GRIP1: variants seen among roughly 807,000 people sequenced by gnomAD.
GRIP1 encodes the protein glutamate receptor-interacting protein 1.
GRIP1 carries 45 observed loss-of-function variants against 129.9 expected under a neutral mutation model. The observed-to-expected ratio is 0.35, with a 90% confidence interval of 0.27 to 0.44. The LOEUF (loss-of-function observed/expected upper bound fraction) is 0.44. Among genes scored for constraint, GRIP1 ranks in the 20% least tolerant of loss-of-function variants. GRIP1 has a pLI of 1.00. For missense variants in GRIP1, 1,196 were observed against 1,396.8 expected (o/e 0.86, Z 2.29); for synonymous variants, 530 against 520.8 (o/e 1.02, Z -0.24).
intron 2 of GRIP1, among the ~76,000 whole-genome samples, chr12:66,567,041 G>T (rs566277753): frequency 9.9e-5 from 15 of 152,192 alleles, no homozygotes; most frequent in African/African-American, 2.6e-4. Flanking sequence ...CTTGCTAGCT[G>T]TCTATCAATT....
chr12:66,378,967 A>C (rs1249262088), intron 20 of GRIP1, among the ~76,000 whole-genome samples: 2 of 151,912 alleles, frequency 1.3e-5, no homozygotes, highest in Non-Finnish European at 2.9e-5. Context: ...AAAATAAATA[A>C]ATAAAATAAA....
chr12:66,367,117 A>G (rs2055197905), intron 23 of GRIP1, among the ~76,000 whole-genome samples: 1 of 152,232 alleles, frequency 6.6e-6, no homozygotes, highest in Non-Finnish European at 1.5e-5. Flanking sequence ...GTGGACACCA[A>G]AGGATATTTA....
chr12:66,712,604 C>T (rs2035746696), intron 1 of GRIP1, among the ~76,000 whole-genome samples: 1 of 151,906 alleles, frequency 6.6e-6, no homozygotes, highest in South Asian at 2.1e-4. Context: ...GGAGAATATG[C>T]AGATGAAATG....
chr12:66,898,291 G>T lies in GRIP1; in HGVS notation c.58+170759C>A, dbSNP rs150136142. On this transcript the variant is annotated intron_variant, in intron 1 of 1. Coordinates refer to the GRIP1 transcript ENST00000643019. The stretch of plus-strand genomic sequence containing the variant: ...TTATGGCATTTTTTTCTTTAATGAT[G>T]CTCACTCCTAAGAAATGTTTCCTAA... 3.6e-3 allele frequency among the ~76,000 whole-genome samples: 551 copies of T among 152,064 alleles called. 2 individuals are homozygous for T. Among genetic ancestry groups the T allele is most frequent in the Non-Finnish European group, 6.5e-3 (445 of 67,974 alleles).
At chr12:66,884,106 A>G (rs12298936) in intron 1 of GRIP1, among the ~76,000 whole-genome samples, 2,472 of 152,328 alleles carry the variant, frequency 0.016, 82 homozygotes, top group African/African-American at 0.056. Flanking sequence ...GCCATATGTG[A>G]GTGCCTTTTG....
At chr12:66,974,531 T>C (rs1417081558) in intron 1 of GRIP1, among the ~76,000 whole-genome samples, 1 of 152,188 alleles carries the variant, frequency 6.6e-6, no homozygotes, top group Non-Finnish European at 1.5e-5. Context: ...AGTGAAAAGA[T>C]GAAGTAAAAA....
intron 1 of GRIP1, among the ~76,000 whole-genome samples, chr12:66,711,894 G>C (rs1287702472): frequency 6.6e-6 from 1 of 151,808 alleles, no homozygotes; most frequent in East Asian, 1.9e-4. Context: ...ATCAAATCTA[G>C]ATCATTTAGT....
chr12:66,739,643 C>T (rs2046064), intron 1 of GRIP1, among the ~76,000 whole-genome samples: 92,725 of 151,622 alleles, frequency 0.61, 28,790 homozygotes, highest in East Asian at 0.77. Flanking sequence ...CTGGGCATAA[C>T]ACCTAGGTGA....
intron 1 of GRIP1, among the ~76,000 whole-genome samples, chr12:66,896,423 A>G (rs978683203): frequency 6.7e-6 from 1 of 150,288 alleles, no homozygotes; most frequent in Non-Finnish European, 1.5e-5. Flanking sequence ...CAACACTTCA[A>G]TGGGAACTGA....
At chr12:66,620,928 A>G (rs1249338425) in intron 1 of GRIP1, among the ~76,000 whole-genome samples, 3 of 152,128 alleles carry the variant, frequency 2.0e-5, no homozygotes, top group Non-Finnish European at 4.4e-5. Flanking sequence ...TTCCTGCCCA[A>G]ACTTCCCTAA....
intron 1 of GRIP1, among the ~76,000 whole-genome samples, chr12:66,712,557 T>G (rs1219000422): frequency 6.6e-6 from 1 of 151,966 alleles, no homozygotes; most frequent in African/African-American, 2.4e-5. Context: ...TCATAATTTT[T>G]GGCATAAACA....
intron 7 of GRIP1, among the ~76,000 whole-genome samples, chr12:66,469,396 T>A (rs143339264): frequency 1.3e-5 from 2 of 152,278 alleles, no homozygotes; most frequent in South Asian, 2.1e-4. Flanking sequence ...ATAGAAGAGA[T>A]GAGTAGCTAG....
chr12:66,723,304 CTTTTTTTTTT>C (rs57938064), intron 1 of GRIP1, among the ~76,000 whole-genome samples: 22 of 58,404 alleles, frequency 3.8e-4, no homozygotes, highest in East Asian at 1.8e-3. Context: ...TTCTTTCTTT[CTTTTTTTTTT>C]TTTTTTTTTT....
chr12:66,883,946 G>C (rs943222344), intron 1 of GRIP1, among the ~76,000 whole-genome samples: 1 of 152,196 alleles, frequency 6.6e-6, no homozygotes, highest in Non-Finnish European at 1.5e-5. Flanking sequence ...CATAATGCCT[G>C]GCACATTGTT....
At chr12:66,420,455 T>C (rs560748932) in intron 15 of GRIP1, among the ~76,000 whole-genome samples, 1 of 143,022 alleles carries the variant, frequency 7.0e-6, no homozygotes, top group African/African-American at 2.7e-5. Context: ...GAATGGAAGC[T>C]GACCAGTGAA....
chr12:66,881,953 CATT>C (rs1432595718), intron 1 of GRIP1, among the ~76,000 whole-genome samples: 9 of 152,276 alleles, frequency 5.9e-5, no homozygotes, highest in African/African-American at 2.2e-4. Flanking sequence ...TCCTTTCAGT[CATT>C]CAGAGAGGTG....
intron 1 of GRIP1, among the ~76,000 whole-genome samples, chr12:66,983,301 T>C (rs1222969998): frequency 1.3e-5 from 2 of 152,192 alleles, no homozygotes; most frequent in African/African-American, 2.4e-5. Flanking sequence ...AATAAATTAA[T>C]AACAAAAACT....
chr12:66,886,890 T>G (rs1310563257), intron 1 of GRIP1, among the ~76,000 whole-genome samples: 3 of 152,212 alleles, frequency 2.0e-5, no homozygotes, highest in Non-Finnish European at 4.4e-5. Context: ...CCCTATTTTA[T>G]AGCATATAAA....
intron 1 of GRIP1, among the ~76,000 whole-genome samples, chr12:66,605,175 G>A (rs912783757): frequency 9.9e-5 from 15 of 151,888 alleles, no homozygotes; most frequent in Non-Finnish European, 1.6e-4. Flanking sequence ...ATGTTCTCAT[G>A]GAAAAGACTG....
Sources: gnomAD v4.1 joint callset for allele counts (sites outside exome capture counted in the v4.1 genomes callset) on GRCh38, gnomAD v4.1.1 for gene constraint, MANE v1.5 for transcripts, NCBI Gene and HGNC (gene_info 2026-07-23, HGNC 2026-07-21) for gene names.